TAF3: variants seen among roughly 807,000 people sequenced by gnomAD.
TAF3 encodes TATA-box binding protein associated factor 3.
TAF3 carries 7 observed loss-of-function variants against 80.6 expected under a neutral mutation model. That is an observed-to-expected ratio of 0.09 (90% CI 0.05 to 0.16). TAF3 has a LOEUF of 0.16. TAF3 is among the 10% of genes least tolerant of loss of function. The probability of loss-of-function intolerance (pLI) is 1.00; values close to 1 mark genes in which losing one functional copy is unlikely to be tolerated. For synonymous variants in TAF3, 444 were observed against 446.1 expected (o/e 1.00, Z 0.06); for missense variants, 921 against 1,140.2 (o/e 0.81, Z 2.77).
rs2131414572 is a variant in TAF3, at chr10:7,967,363, G to T, written c.2232+1621G>T. ...AACAGCCATTATGAATTTGAGTGAA[G>T]CCATCAGATTAGGTTTGTAACAGCA... On this transcript the variant is annotated intron_variant, in intron 3 of 6. Coordinates refer to ENST00000344293, the MANE Select transcript of TAF3 (RefSeq NM_031923.4). Among the ~76,000 whole-genome samples, 2 of 152,308 alleles carry T rather than the reference G, an allele frequency of 1.3e-5. 1 individual carries two copies. The highest frequency in any genetic ancestry group is 4.1e-4 in the South Asian group (2 of 4,830).
Position 7,838,053 on chromosome 10 carries a change from G to A in TAF3, c.409+13493G>A, listed in dbSNP as rs538605318. Reference sequence around the variant, plus strand: ...AATCTTGAAACAGGTCCTAAAGGCAGATGCTGCTATCATTCCCATTTATGG... The same window carrying A: ...AATCTTGAAACAGGTCCTAAAGGCAAATGCTGCTATCATTCCCATTTATGG... On this transcript the variant is annotated intron_variant, in intron 2 of 6. Coordinates refer to ENST00000344293, the MANE Select transcript of TAF3 (RefSeq NM_031923.4). 9.2e-5 allele frequency among the ~76,000 whole-genome samples: 14 copies of A among 152,268 alleles called. No homozygotes were observed. In the South Asian group the frequency reaches 2.5e-3, roughly 27 times the overall value.
intron 1 of TAF3, among the ~76,000 whole-genome samples, chr10:7,821,713 C>T (rs1191837218): frequency 2.6e-5 from 4 of 152,282 alleles, no homozygotes; most frequent in South Asian, 2.1e-4. Context: ...ATCTTTCAGA[C>T]TGACTCTTCA....
intron 2 of TAF3, among the ~76,000 whole-genome samples, chr10:7,828,362 G>A (rs191110162): frequency 1.3e-4 from 20 of 152,330 alleles, no homozygotes; most frequent in Admixed American, 2.6e-4. Flanking sequence ...GTGATTATCC[G>A]CAGTGTGAAG....
At chr10:7,835,006 C>T (rs886195298) in intron 2 of TAF3, among the ~76,000 whole-genome samples, 1 of 152,188 alleles carries the variant, frequency 6.6e-6, no homozygotes. Flanking sequence ...TCAGTTTTTT[C>T]GAGTGTGTGT....
intron 2 of TAF3, among the ~76,000 whole-genome samples, chr10:7,890,402 G>C (rs1394452976): frequency 2.0e-5 from 3 of 152,180 alleles, no homozygotes; most frequent in Non-Finnish European, 4.4e-5. Context: ...TGTAGTCTAC[G>C]TTCCATCATA....
chr10:8,009,002 G>A lies in TAF3; in HGVS notation c.2316-76G>A. ...GCTACTGGAAGAAAAGCTATTTTAC[G>A]ATCATGTTTTTAAGCACGGGTTTGG... On this transcript the variant is annotated intron_variant, in intron 4 of 6. Coordinates refer to ENST00000344293, the MANE Select transcript of TAF3 (RefSeq NM_031923.4). This position sits in a 1 kb window ranked among gnomAD's most constrained non-coding sequence, Gnocchi z 4.1. 1 of 1,520,216 alleles carries A rather than the reference G, an allele frequency of 6.6e-7. No individual in the cohort carries two copies. Among genetic ancestry groups the A allele is most frequent in the Non-Finnish European group, 8.9e-7 (1 of 1,126,358 alleles). The allele number at this position is 1,520,216 out of a possible 1,614,324, so 94.2% of individuals were successfully genotyped here.
At chr10:7,849,658 G>T (rs1303439558) in intron 2 of TAF3, among the ~76,000 whole-genome samples, 1 of 151,600 alleles carries the variant, frequency 6.6e-6, no homozygotes, top group East Asian at 1.9e-4. Context: ...AACAACTATT[G>T]GGGGGGTTCA....
At chr10:7,944,817 C>G (rs916163876) in intron 2 of TAF3, among the ~76,000 whole-genome samples, 3 of 152,144 alleles carry the variant, frequency 2.0e-5, no homozygotes, top group African/African-American at 7.2e-5. Context: ...AGCAATTAAT[C>G]AAGAAACTCA....
chr10:7,942,744 G>C lies in TAF3; in HGVS notation c.410-21176G>C, dbSNP rs61269269. On this transcript the variant is annotated intron_variant, in intron 2 of 6. Transcript: ENST00000344293. The stretch of plus-strand genomic sequence containing the variant: ...CCCAAGTGGGCAGCCGAGGCGTGTG[G>C]GCACGGAGTTCTAGATCTTGTGATG... 2.0e-3 allele frequency among the ~76,000 whole-genome samples: 306 copies of C among 152,146 alleles called. 1 individual carries two copies. The highest frequency in any genetic ancestry group is 6.9e-3 in the African/African-American group (286 of 41,424).
chr10:7,855,434 C>T (rs772773997), intron 2 of TAF3, among the ~76,000 whole-genome samples: 2 of 152,164 alleles, frequency 1.3e-5, no homozygotes, highest in Non-Finnish European at 2.9e-5. Flanking sequence ...GTGAATACAC[C>T]GGATGCCGAG....
At chr10:8,002,299 C>T (rs1831952129) in intron 4 of TAF3, among the ~76,000 whole-genome samples, 1 of 152,122 alleles carries the variant, frequency 6.6e-6, no homozygotes, top group Admixed American at 6.6e-5. Flanking sequence ...TCCCGTATTT[C>T]TCTCACCTGT....
At chr10:7,927,885 G>A (rs931881163) in intron 2 of TAF3, among the ~76,000 whole-genome samples, 1 of 152,104 alleles carries the variant, frequency 6.6e-6, no homozygotes, top group Non-Finnish European at 1.5e-5. Flanking sequence ...CAGAAATAAC[G>A]GGCTATGTTT....
intron 3 of TAF3, among the ~76,000 whole-genome samples, chr10:7,971,935 A>G (rs1468519227): frequency 6.6e-6 from 1 of 152,234 alleles, no homozygotes; most frequent in African/African-American, 2.4e-5. Context: ...AAATCCACTG[A>G]CAATGTATTT....
intron 4 of TAF3, among the ~76,000 whole-genome samples, chr10:8,006,947 A>G (rs1832000220): frequency 6.6e-6 from 1 of 152,204 alleles, no homozygotes; most frequent in Non-Finnish European, 1.5e-5. Flanking sequence ...GCTGAGAAAA[A>G]CAAGGCCTAA....
chr10:7,855,335 A>G (rs934677142), intron 2 of TAF3, among the ~76,000 whole-genome samples: 2 of 152,206 alleles, frequency 1.3e-5, no homozygotes, highest in Non-Finnish European at 2.9e-5. Flanking sequence ...AAAGGGCCAA[A>G]CAAAGGGACC....
In TAF3 at chr10:7,964,871, C is replaced by G. The variant is rs373520326; in HGVS notation, c.1361C>G (p.Ser454Cys). ...TKSGSTPLPL[S>C]GGTSSSDNSW... ...TCAGGATCCACTCCTCTGCCTCTTT[C>G]CGGTGGAACCTCAAGTTCCGATAAC... Residue 454 changes from serine (S) to cysteine (C), a missense_variant, in exon 3 of 7, where the codon TCC (serine) becomes TGC (cysteine). Physicochemically the swap from Ser to Cys is moderately radical, Grantham distance 112. This residue lies in a region of TAF3 where 743 missense variants were observed against 821.0 expected (regional missense o/e 0.90). Transcript: ENST00000344293. The surrounding 1 kb of genome is among the most constrained non-coding windows in gnomAD (Gnocchi z 4.1). 76 of 1,614,096 alleles carry G rather than the reference C, an allele frequency of 4.7e-5. No homozygotes were observed. The highest frequency in any genetic ancestry group is 5.9e-5 in the Non-Finnish European group (70 of 1,180,044).
intron 2 of TAF3, among the ~76,000 whole-genome samples, chr10:7,884,568 A>T (rs551504637): frequency 1.3e-5 from 2 of 151,852 alleles, no homozygotes; most frequent in Non-Finnish European, 2.9e-5. Flanking sequence ...TGTATTTTTT[A>T]GTAGAGATGG....
chr10:7,970,283 A>G (rs1831609623), intron 3 of TAF3, among the ~76,000 whole-genome samples: 1 of 152,378 alleles, frequency 6.6e-6, no homozygotes, highest in South Asian at 2.1e-4. Context: ...TCGATAGTCA[A>G]CAGTGTTAGC....
chr10:7,988,885 A>G (rs918767725), intron 4 of TAF3, among the ~76,000 whole-genome samples: 1 of 151,896 alleles, frequency 6.6e-6, no homozygotes, highest in African/African-American at 2.4e-5. Context: ...GTAAAATGGT[A>G]CATTGTTTGT....
Sources: gnomAD v4.1 joint callset for allele counts (sites outside exome capture counted in the v4.1 genomes callset) on GRCh38, gnomAD v4.1.1 for gene constraint, gnomAD v4.1.1 regional missense constraint, Gnocchi (gnomAD v3.1) non-coding constraint, MANE v1.5 for transcripts, NCBI Gene and HGNC (gene_info 2026-07-23, HGNC 2026-07-21) for gene names.